The following IL16 variants were observed in gnomAD, a reference collection of about 807,000 sequenced individuals.
The protein encoded by IL16 is interleukin 16.
Under a neutral mutation model 110.1 loss-of-function variants are expected in IL16, and 67 were observed. The observed-to-expected ratio is 0.61, with a 90% CI of 0.50 to 0.75. The LOEUF is 0.75. Ranked by LOEUF, IL16 falls within the 30% of genes least tolerant of loss-of-function variation. The probability of loss-of-function intolerance (pLI) is 0.00; values close to 1 mark genes in which losing one functional copy is unlikely to be tolerated. For synonymous variants in IL16, 689 were observed against 662.9 expected, an observed-to-expected ratio of 1.04 and a Z score of -0.61; for missense variants, 1,545 against 1,655.0, an observed-to-expected ratio of 0.93 and a Z score of 1.15.
At chr15:81,306,734 T>A in intron 18 of IL16, 189 bp downstream of exon 18, 3 of 701,568 alleles carry the variant, frequency 4.3e-6, no homozygotes, top group Non-Finnish European at 7.5e-6. Context: ...AGACATCCCC[T>A]CAATCCCCCC....
At chr15:81,213,483 G>A (rs897972786) in intron 1 of IL16, among the ~76,000 whole-genome samples, 1 of 152,122 alleles carries the variant, frequency 6.6e-6, no homozygotes, top group Non-Finnish European at 1.5e-5. Flanking sequence ...ATTGTCAGTG[G>A]GGTGCTGATG....
At chr15:81,214,931 T>C (rs1046832182) in intron 1 of IL16, among the ~76,000 whole-genome samples, 4 of 152,228 alleles carry the variant, frequency 2.6e-5, no homozygotes, top group Non-Finnish European at 5.9e-5. Context: ...ATATTTCTGA[T>C]TGTAGTATGA....
chr15:81,185,828 T>A (rs1293134496), intron 1 of IL16, among the ~76,000 whole-genome samples: 2 of 151,938 alleles, frequency 1.3e-5, no homozygotes, highest in African/African-American at 4.8e-5. Flanking sequence ...TGTGTGGGAG[T>A]TACACTGGGG....
chr15:81,277,815 C>T (rs547386419), intron 6 of IL16, among the ~76,000 whole-genome samples: 1 of 152,232 alleles, frequency 6.6e-6, no homozygotes, highest in South Asian at 2.1e-4. Flanking sequence ...CGACCAGGTC[C>T]AGAAGTCAGT....
rs1900905259 is a variant in IL16, at chr15:81,312,363, T to C, written c.*3565T>C. On this transcript the variant is annotated 3_prime_UTR_variant, in exon 19 of 19. Coordinates refer to ENST00000683961, the MANE Select transcript of IL16 (RefSeq NM_172217.5). ...AGACGGAGGCCTACTCTTCCATCTT[T>C]CCTGATGGCAGGATGGCCTGGCCAG... 1 of 152,254 alleles carries C rather than the reference T, an allele frequency of 6.6e-6. No individual in the cohort carries two copies. Among genetic ancestry groups the C allele is most frequent in the Non-Finnish European group, 1.5e-5 (1 of 68,062 alleles). The allele number at this position is 152,254 out of a possible 1,614,324, so 9.4% of individuals were successfully genotyped here.
chr15:81,267,872 T>C (rs543581808), intron 4 of IL16, among the ~76,000 whole-genome samples: 1 of 152,312 alleles, frequency 6.6e-6, no homozygotes, highest in African/African-American at 2.4e-5. Context: ...TCAGGGCAGG[T>C]GATGTGCTTT....
chr15:81,211,124 A>G (rs866642111), intron 1 of IL16, among the ~76,000 whole-genome samples: 2 of 152,148 alleles, frequency 1.3e-5, no homozygotes, highest in East Asian at 1.9e-4. Flanking sequence ...CATTGGTGCA[A>G]TCATCGCGCA....
rs772622471 is a variant in IL16, at chr15:81,299,366, T to A, written c.2054-14T>A. 3.7e-6 allele frequency: 6 copies of A among 1,610,282 alleles called. No individual in the cohort carries two copies. The highest frequency in any genetic ancestry group is 5.1e-6 in the Non-Finnish European group (6 of 1,179,988). ...GATGTAATGCACAGCTTTGGCCTTG[T>A]TTCTGCACTGTAGTGACCCAAACAT... On this transcript the variant is annotated splice_polypyrimidine_tract_variant and intron_variant, in intron 13 of 18. Coordinates refer to ENST00000683961, the MANE Select transcript of IL16 (RefSeq NM_172217.5).
chr15:81,254,297 TG>T (rs1490874276), intron 2 of IL16, among the ~76,000 whole-genome samples: 1 of 90,030 alleles, frequency 1.1e-5, no homozygotes, highest in South Asian at 2.5e-4. Flanking sequence ...TCATGATCTT[TG>T]GGGAGAAGTT....
intron 1 of IL16, among the ~76,000 whole-genome samples, chr15:81,207,237 C>CAAAAAAAACAAAAAAA (rs1183550833): frequency 2.6e-5 from 1 of 39,204 alleles, no homozygotes; most frequent in Non-Finnish European, 4.4e-5. Context: ...GACTCTGTCT[C>CAAAAAAAACAAAAAAA]AAAAAAAACA....
At chr15:81,208,522 G>A (rs1896119187) in intron 1 of IL16, among the ~76,000 whole-genome samples, 1 of 152,184 alleles carries the variant, frequency 6.6e-6, no homozygotes, top group Admixed American at 6.5e-5. Context: ...TAGAGATGGG[G>A]TTTCACCGTG....
intron 1 of IL16, among the ~76,000 whole-genome samples, chr15:81,186,663 A>G (rs760422902): frequency 3.9e-5 from 6 of 152,232 alleles, no homozygotes; most frequent in Non-Finnish European, 8.8e-5. Context: ...ATATCATCAT[A>G]AATATTTTCA....
intron 2 of IL16, among the ~76,000 whole-genome samples, chr15:81,253,531 C>T (rs778114334): frequency 1.3e-5 from 2 of 152,096 alleles, no homozygotes; most frequent in Non-Finnish European, 2.9e-5. Context: ...ATTGAAGAAG[C>T]CTCTCCCTAA....
chr15:81,300,587 TAAAGA>T (rs962102516), intron 14 of IL16, 112 bp downstream of exon 14: 4 of 660,744 alleles, frequency 6.1e-6, no homozygotes, highest in Non-Finnish European at 7.3e-6. Context: ...ATATATTGAT[TAAAGA>T]ATTGTTCTGC....
chr15:81,240,978 G>A (rs1460284119), intron 2 of IL16, among the ~76,000 whole-genome samples: 1 of 152,034 alleles, frequency 6.6e-6, no homozygotes, highest in East Asian at 1.9e-4. Flanking sequence ...TGGAATTGAT[G>A]TCTGTGGGGT....
chr15:81,265,722 C>T lies in IL16; in HGVS notation c.485C>T (p.Thr162Met), dbSNP rs757435234. 1.9e-6 allele frequency: 3 copies of T among 1,613,688 alleles called. No homozygotes were observed. Among genetic ancestry groups the T allele is most frequent in the African/African-American group, 1.3e-5 (1 of 75,036 alleles). ...ATGACCAAGAAATCTGCAGCGCCCA[C>T]GGACAGGCAGCCTTACTCTCTCTGC... ...FPMTKKSAAP[T>M]DRQPYSLCSN... The change falls in exon 4 of 19, where the codon ACG becomes ATG. Residue 162 changes from threonine to methionine, a missense_variant. Physicochemically the swap from Thr to Met is moderately conservative, Grantham distance 81. Transcript: ENST00000683961.
chr15:81,229,037 A>G (rs1355832565), intron 2 of IL16, among the ~76,000 whole-genome samples: 2 of 152,164 alleles, frequency 1.3e-5, no homozygotes, highest in African/African-American at 4.8e-5. Flanking sequence ...AAATATGATG[A>G]TGATTATTAT....
At position 81,300,423 on chromosome 15, in the gene IL16, G is replaced by C; in HGVS notation, c.3097G>C (p.Ala1033Pro). The C allele has an allele frequency of 6.2e-7, 1 of 1,614,160 alleles. No individual in the cohort carries two copies. Among genetic ancestry groups the C allele is most frequent in the Non-Finnish European group, 8.5e-7 (1 of 1,180,032 alleles). ...SPTSSSNEDSAANGSAETSAL... is the reference protein window; with the variant it reads ...SPTSSSNEDSPANGSAETSAL... The stretch of plus-strand genomic sequence containing the variant: ...AACATCATCATCCAACGAAGACTCA[G>C]CTGCAAATGGTTCTGCTGAAACATC... Residue 1033 changes from alanine (A) to proline (P), a missense_variant, in exon 14 of 19, where the codon GCT becomes CCT. By Grantham distance (27) the Ala-to-Pro change is conservative. Around this residue, in one of 3 missense-constraint regions of IL16, gnomAD observed 356 missense variants for 399.3 expected, o/e 0.89. Coordinates refer to ENST00000683961, the MANE Select transcript of IL16 (RefSeq NM_172217.5).
intron 1 of IL16, among the ~76,000 whole-genome samples, chr15:81,187,460 C>T (rs773086228): frequency 4.3e-4 from 66 of 152,042 alleles, no homozygotes; most frequent in Non-Finnish European, 3.7e-4. Flanking sequence ...CTGGGTGTGA[C>T]GGTGCACACC....
Sources: gnomAD v4.1 joint callset for allele counts (sites outside exome capture counted in the v4.1 genomes callset) on GRCh38, gnomAD v4.1.1 for gene constraint, gnomAD v4.1.1 regional missense constraint, MANE v1.5 for transcripts, NCBI Gene and HGNC (gene_info 2026-07-23, HGNC 2026-07-21) for gene names.